Variants in LMO3 observed in about 807,000 individuals in gnomAD.
The protein encoded by LMO3 is LIM domain only 3.
Under a neutral mutation model 15.8 loss-of-function variants are expected in LMO3, and 2 were observed. The ratio of observed to expected loss-of-function variants is 0.13; its 90% CI spans 0.05 to 0.40. The LOEUF (loss-of-function observed/expected upper bound fraction) is 0.40. Among genes scored for constraint, LMO3 ranks in the 10% least tolerant of loss-of-function variants. LMO3 has a pLI of 0.99. For missense variants in LMO3, 86 were observed against 182.2 expected, an observed-to-expected ratio of 0.47 and a Z score of 3.04; for synonymous variants, 62 against 63.8, an observed-to-expected ratio of 0.97 and a Z score of 0.13.
rs893047547 is a variant in LMO3, at chr12:16,585,830, CAAAG to C, written c.206+14821_206+14824del. 9.2e-5 allele frequency among the ~76,000 whole-genome samples: 14 copies of C among 152,194 alleles called. No individual in the cohort carries two copies. Among genetic ancestry groups the C allele is most frequent in the South Asian group, 2.1e-4 (1 of 4,826 alleles). ...AATTTGATCTGGGCTTCCCAGGAAA[CAAAG>C]AAAAGAGGGAAAATGTCAACATGTA... On this transcript the variant is annotated intron_variant, in intron 2 of 3. Coordinates refer to ENST00000537304, the MANE Select transcript of LMO3 (RefSeq NM_018640.5). This position sits in a 1 kb window ranked among gnomAD's most constrained non-coding sequence, Gnocchi z 4.7.
intron 2 of LMO3, among the ~76,000 whole-genome samples, chr12:16,575,362 T>C (rs1942962313): frequency 6.6e-6 from 1 of 152,228 alleles, no homozygotes; most frequent in Admixed American, 6.5e-5. Flanking sequence ...TCCTCTCTGA[T>C]AATGATACCT....
chr12:16,605,212 T>C (rs1943947933), intron 1 of LMO3: 1 of 1,319,214 alleles, frequency 7.6e-7, no homozygotes, highest in Non-Finnish European at 9.7e-7. Context: ...CCTTTTAGCT[T>C]CCTGGTAACA....
rs1222103593 is a variant in LMO3 at position 16,593,202 on chromosome 12, G to A, written c.206+7453C>T. Among the ~76,000 whole-genome samples, 2 of 151,810 alleles carry A rather than the reference G, an allele frequency of 1.3e-5. No homozygotes were observed. The highest frequency in any genetic ancestry group is 6.6e-5 in the Admixed American group (1 of 15,210). On this transcript the variant is annotated intron_variant, in intron 2 of 3. Transcript: ENST00000537304. The surrounding 1 kb of genome is among the most constrained non-coding windows in gnomAD (Gnocchi z 4.2). The stretch of plus-strand genomic sequence containing the variant: ...ATGTGGACGATGCTTCACTGCATTA[G>A]TGATAACAATTTTACTTAAATATTG...
At chr12:16,590,268 G>T (rs1943449123) in intron 2 of LMO3, among the ~76,000 whole-genome samples, 1 of 151,986 alleles carries the variant, frequency 6.6e-6, no homozygotes, top group African/African-American at 2.4e-5. Context: ...AGGTTAGTGG[G>T]TTAGGTTAGT....
At chr12:16,607,949 A>T (rs7315802), upstream of LMO3, 150,209 of 152,238 alleles carry the variant, frequency 0.99, 74,138 homozygotes, top group East Asian at 1. Context: ...AAAAATAACG[A>T]TATTCACAGA....
In LMO3 at chr12:16,586,724, T is replaced by G. The variant is rs558281503; in HGVS notation, c.206+13931A>C. On this transcript the variant is annotated intron_variant, in intron 2 of 3. Coordinates refer to ENST00000537304, the MANE Select transcript of LMO3 (RefSeq NM_018640.5). The surrounding 1 kb of genome is among the most constrained non-coding windows in gnomAD (Gnocchi z 4.3). ...ACCCCCCATTGCAGTAGATGATGTT[T>G]TTTTCCATTTCTCTGGTACTTGAGC... Among the ~76,000 whole-genome samples, 29 of 152,314 alleles carry G rather than the reference T, an allele frequency of 1.9e-4. No homozygotes were observed. Among genetic ancestry groups the G allele is most frequent in the Admixed American group, 9.2e-4 (14 of 15,296 alleles).
At chr12:16,608,098 C>G (rs949199412), upstream of LMO3, 2 of 152,402 alleles carry the variant, frequency 1.3e-5, no homozygotes, top group Admixed American at 1.3e-4. The surrounding 1 kb of genome is among the most constrained non-coding windows in gnomAD (Gnocchi z 4.1). Context: ...TACCCCACCT[C>G]TCTGCTACAG....
In LMO3 at chr12:16,560,552, C is replaced by G; in HGVS notation, c.207-14G>C. On this transcript the variant is annotated splice_polypyrimidine_tract_variant and intron_variant, in intron 2 of 3. Transcript: ENST00000537304. The surrounding 1 kb of genome is among the most constrained non-coding windows in gnomAD (Gnocchi z 5.0). ...ACACCAAAGAGCCTAGAATAAGAAACATTTTTTTTTTTTTACAAACTCTTA... is the reference window on the plus strand; with the variant it reads ...ACACCAAAGAGCCTAGAATAAGAAAGATTTTTTTTTTTTTACAAACTCTTA... 2 of 1,551,112 alleles carry G rather than the reference C, an allele frequency of 1.3e-6. No individual in the cohort carries two copies. The highest frequency in any genetic ancestry group is 1.7e-6 in the Non-Finnish European group (2 of 1,149,252).
chr12:16,574,051 G>C (rs1942915484), intron 2 of LMO3: 1 of 152,032 alleles, frequency 6.6e-6, no homozygotes, highest in African/African-American at 2.4e-5. Context: ...AGTAACAAAT[G>C]TGTCCACGTG....
chr12:16,598,212 A>G lies in LMO3; in HGVS notation c.206+2443T>C, dbSNP rs1234893198. ...ACTGAGACACATGCTTTCCACATAA[A>G]ACTAAATACCACATCTGCGGCATAA... On this transcript the variant is annotated intron_variant, in intron 2 of 3. Coordinates refer to ENST00000537304, the MANE Select transcript of LMO3 (RefSeq NM_018640.5). The surrounding 1 kb of genome is among the most constrained non-coding windows in gnomAD (Gnocchi z 4.3). 6.6e-6 allele frequency: 1 copy of G among 152,080 alleles called. No homozygotes were observed. The allele number at this position is 152,080 out of a possible 1,614,324, so 9.4% of individuals were successfully genotyped here. A position where few individuals can be genotyped will look rare whatever the true frequency, so the allele number is the denominator to read the frequency against.
At position 16,582,934 on chromosome 12, in the gene LMO3, C is replaced by T. The variant is rs1209053822; in HGVS notation, c.206+17721G>A. ...TGGTGGCATGCACCTGTAATCCCAG[C>T]TACTCAGGAGGCTAATGCAGGAAAA... On this transcript the variant is annotated intron_variant, in intron 2 of 3. Coordinates refer to ENST00000537304, the MANE Select transcript of LMO3 (RefSeq NM_018640.5). This position sits in a 1 kb window ranked among gnomAD's most constrained non-coding sequence, Gnocchi z 4.1. Among the ~76,000 whole-genome samples the T allele has an allele frequency of 6.6e-6, 1 of 151,430 alleles. No homozygotes were observed. Among genetic ancestry groups the T allele is most frequent in the Non-Finnish European group, 1.5e-5 (1 of 67,962 alleles).
At position 16,604,820 on chromosome 12, in the gene LMO3, T is replaced by G; in HGVS notation, c.-9+1246A>C. ...AGAAAGGCTTTTGAGCGGCCAGGAG[T>G]GCAGAGCGCCAGCAAAGTGCATCTA... On this transcript the variant is annotated intron_variant, in intron 1 of 3. Transcript: ENST00000537304. The surrounding 1 kb of genome is among the most constrained non-coding windows in gnomAD (Gnocchi z 5.3). The G allele has an allele frequency of 6.3e-7, 1 of 1,593,254 alleles. No homozygotes were observed.
chr12:16,565,436 TA>T (rs1052547899), intron 2 of LMO3, among the ~76,000 whole-genome samples: 4 of 152,202 alleles, frequency 2.6e-5, no homozygotes, highest in African/African-American at 9.6e-5. Flanking sequence ...GTTTTCAACT[TA>T]AAAAGTTAGC....
rs1353773386 is a variant in LMO3 at position 16,591,518 on chromosome 12, G to C, written c.206+9137C>G. Among the ~76,000 whole-genome samples, 1 of 126,526 alleles carries C rather than the reference G, an allele frequency of 7.9e-6. No homozygotes were observed. Among genetic ancestry groups the C allele is most frequent in the East Asian group, 2.4e-4 (1 of 4,230 alleles). The allele number at this position is 126,526 out of a possible 152,430, so 83.0% of individuals were successfully genotyped here. ...GTAGAATATAAACTCTACAAGGGGA[G>C]CAGGTATTTTTGTGTTTTATTTAGT... On this transcript the variant is annotated intron_variant, in intron 2 of 3. Coordinates refer to ENST00000537304, the MANE Select transcript of LMO3 (RefSeq NM_018640.5). The surrounding 1 kb of genome is among the most constrained non-coding windows in gnomAD (Gnocchi z 4.1).
intron 2 of LMO3, among the ~76,000 whole-genome samples, chr12:16,574,165 T>A (rs1018781600): frequency 2.6e-5 from 4 of 151,926 alleles, no homozygotes; most frequent in Non-Finnish European, 5.9e-5. Context: ...CCAGAGTAAG[T>A]TAGAGGAAGA....
At chr12:16,568,295 T>C (rs2137409253) in intron 2 of LMO3, among the ~76,000 whole-genome samples, 1 of 152,282 alleles carries the variant, frequency 6.6e-6, no homozygotes, top group East Asian at 1.9e-4. Flanking sequence ...AGTTTGAAGG[T>C]TGTGATTCAA....
At chr12:16,570,467 A>T (rs1236141433) in intron 2 of LMO3, among the ~76,000 whole-genome samples, 2 of 152,154 alleles carry the variant, frequency 1.3e-5, no homozygotes, top group Non-Finnish European at 2.9e-5. Context: ...GAAAAGAAAA[A>T]TAAAGAAAAT....
rs1434238607 is a variant in LMO3 at position 16,559,474 on chromosome 12, C to T, written c.332+939G>A. 1.3e-5 allele frequency among the ~76,000 whole-genome samples: 2 copies of T among 152,160 alleles called. No homozygotes were observed. The highest frequency in any genetic ancestry group is 2.9e-5 in the Non-Finnish European group (2 of 68,034). On this transcript the variant is annotated intron_variant, in intron 3 of 3. Transcript: ENST00000537304. This position sits in a 1 kb window ranked among gnomAD's most constrained non-coding sequence, Gnocchi z 4.1. ...GGTGTTTGTTTGGTTTAAGATCGCA[C>T]AGCTTATTAGTGGCAGAGCCCATAT...
chr12:16,550,963 A>C lies in LMO3; in HGVS notation c.*259T>G. Reference sequence around the variant, plus strand: ...AGTCCAAAATAAACATCTCATGCCAAGTGACACAAAAACGAATAGCAAGCA... The same window carrying C: ...AGTCCAAAATAAACATCTCATGCCACGTGACACAAAAACGAATAGCAAGCA... On this transcript the variant is annotated 3_prime_UTR_variant, in exon 4 of 4. Coordinates refer to ENST00000537304, the MANE Select transcript of LMO3 (RefSeq NM_018640.5). 1 of 392,658 alleles carries C rather than the reference A, an allele frequency of 2.5e-6. No homozygotes were observed. Among genetic ancestry groups the C allele is most frequent in the Non-Finnish European group, 4.6e-6 (1 of 215,572 alleles). 24.3% of individuals were successfully genotyped at this position (392,658 alleles called of 1,614,324 possible).
Sources: allele counts gnomAD v4.1 joint callset (sites outside exome capture counted in the v4.1 genomes callset), GRCh38; gene constraint gnomAD v4.1.1; non-coding constraint Gnocchi (gnomAD v3.1); transcripts MANE v1.5; gene names NCBI Gene and HGNC (gene_info 2026-07-23, HGNC 2026-07-21).